Variants in ASPRV1 observed in about 807,000 individuals in gnomAD.
ASPRV1 encodes aspartic peptidase retroviral like 1.
In ASPRV1, 7 loss-of-function variants were observed where a neutral mutation model predicts 11.0. That is an observed-to-expected ratio of 0.64 (90% confidence interval 0.36 to 1.20). The LOEUF (loss-of-function observed/expected upper bound fraction) is 1.20, where lower values mean the gene tolerates loss of function less well. ASPRV1 is among the 50% of genes most tolerant of loss of function. The pLI is 0.02. For synonymous variants in ASPRV1, 136 were observed against 138.4 expected (o/e 0.98, Z 0.12); for missense variants, 299 against 320.0 (o/e 0.93, Z 0.50).
chr2:70,052,675 C>A, the ASPRV1 span, among the ~76,000 whole-genome samples: 3 of 152,162 alleles, frequency 2.0e-5, no homozygotes, highest in African/African-American at 7.2e-5. Context: ...GAAGCCAGGC[C>A]AGTGACAGTG....
the ASPRV1 span, chr2:70,015,498 T>A: frequency 6.6e-6 from 1 of 152,178 alleles, no homozygotes. Context: ...ATACAGAGGT[T>A]TCGCAGGGCA....
At chr2:70,048,784 G>C in the ASPRV1 span, 4 of 152,304 alleles carry the variant, frequency 2.6e-5, no homozygotes, top group Non-Finnish European at 5.9e-5. Context: ...GAAGGCTCTA[G>C]GGAAGAATCC....
chr2:69,976,593 A>G, the ASPRV1 span: 1 of 152,202 alleles, frequency 6.6e-6, no homozygotes, highest in African/African-American at 2.4e-5. Flanking sequence ...TGCTTTCCAG[A>G]TTTGACTGAA....
At chr2:69,989,618 C>T in the ASPRV1 span, among the ~76,000 whole-genome samples, 1 of 152,220 alleles carries the variant, frequency 6.6e-6, no homozygotes, top group East Asian at 1.9e-4. Flanking sequence ...AGTGCACAGC[C>T]GCCCCCAGAG....
At chr2:70,036,399 AC>A in the ASPRV1 span, among the ~76,000 whole-genome samples, 2 of 152,130 alleles carry the variant, frequency 1.3e-5, no homozygotes, top group African/African-American at 4.8e-5. Flanking sequence ...TAATGGCAAT[AC>A]AAGTATGAAA....
chr2:70,075,410 G>A, the ASPRV1 span: 1 of 149,648 alleles, frequency 6.7e-6, no homozygotes, highest in African/African-American at 2.5e-5. Context: ...TTAAATCCCT[G>A]CTCTACTACT....
chr2:70,034,495 C>T, the ASPRV1 span, among the ~76,000 whole-genome samples: 1 of 151,012 alleles, frequency 6.6e-6, no homozygotes, highest in Non-Finnish European at 1.5e-5. Flanking sequence ...CACTTGAACC[C>T]GGGAGGTGGA....
the ASPRV1 span, among the ~76,000 whole-genome samples, chr2:69,972,546 C>A: frequency 1.3e-5 from 2 of 151,944 alleles, no homozygotes; most frequent in Non-Finnish European, 2.9e-5. Flanking sequence ...TTAGTAGAGA[C>A]GGGGTTTCAC....
At chr2:70,047,178 G>A in the ASPRV1 span, among the ~76,000 whole-genome samples, 1 of 152,202 alleles carries the variant, frequency 6.6e-6, no homozygotes, top group Non-Finnish European at 1.5e-5. Context: ...CAAAAGAGAT[G>A]TGGTTCCTGG....
chr2:69,946,322 G>C, the ASPRV1 span, among the ~76,000 whole-genome samples: 3 of 152,132 alleles, frequency 2.0e-5, no homozygotes, highest in Admixed American at 2.0e-4. Context: ...CCTGGGTGAT[G>C]GTCACGTGCA....
At chr2:70,022,041 G>T in the ASPRV1 span, among the ~76,000 whole-genome samples, 1 of 149,724 alleles carries the variant, frequency 6.7e-6, no homozygotes, top group Admixed American at 6.7e-5. Flanking sequence ...TTGAGATGGA[G>T]TCTGGCTCTG....
chr2:70,086,352 T>C, the ASPRV1 span: 27 of 152,308 alleles, frequency 1.8e-4, no homozygotes, highest in African/African-American at 3.6e-4. Context: ...CCCTGAGAGA[T>C]TGTGAAGCAC....
the ASPRV1 span, chr2:69,975,448 T>G: frequency 5.2e-5 from 8 of 152,426 alleles, no homozygotes; most frequent in East Asian, 1.6e-3. Context: ...CCTCCTCCCA[T>G]GTACTTCAGG....
At chr2:70,015,506 G>C in the ASPRV1 span, 268 of 152,294 alleles carry the variant, frequency 1.8e-3, 7 homozygotes, top group Non-Finnish European at 4.6e-4. Flanking sequence ...GTTTCGCAGG[G>C]CAACTGTGGG....
At chr2:69,991,125 GC>G in the ASPRV1 span, among the ~76,000 whole-genome samples, 1 of 152,068 alleles carries the variant, frequency 6.6e-6, no homozygotes, top group African/African-American at 2.4e-5. Flanking sequence ...CCACTGCTCT[GC>G]CCCCACACCC....
the ASPRV1 span, chr2:70,069,435 T>C: frequency 6.6e-6 from 1 of 152,210 alleles, no homozygotes; most frequent in African/African-American, 2.4e-5. Context: ...AGCCTTCGGA[T>C]GCCATTTATA....
the ASPRV1 span, among the ~76,000 whole-genome samples, chr2:69,946,171 T>C: frequency 6.6e-6 from 1 of 152,176 alleles, no homozygotes; most frequent in East Asian, 1.9e-4. Context: ...ACGCTGATAC[T>C]GTCATCCCCC....
chr2:70,020,462 G>C, the ASPRV1 span, among the ~76,000 whole-genome samples: 1 of 152,190 alleles, frequency 6.6e-6, no homozygotes, highest in Non-Finnish European at 1.5e-5. Context: ...GATGTTGTGG[G>C]CCGGGCACGG....
the ASPRV1 span, among the ~76,000 whole-genome samples, chr2:70,057,647 T>A: frequency 6.6e-6 from 1 of 151,368 alleles, no homozygotes. Flanking sequence ...CCCAGCTAAT[T>A]ATTGTAGTTT....
Sources: gnomAD v4.1 joint callset for allele counts (sites outside exome capture counted in the v4.1 genomes callset) on GRCh38, gnomAD v4.1.1 for gene constraint, MANE v1.5 for transcripts, NCBI Gene and HGNC (gene_info 2026-07-23, HGNC 2026-07-21) for gene names.